FOXP1: variants seen among roughly 807,000 people sequenced by gnomAD.
The protein encoded by FOXP1 is forkhead box protein P1.
FOXP1 carries 15 observed loss-of-function variants against 98.2 expected under a neutral mutation model. That is an observed-to-expected ratio of 0.15 (90% confidence interval 0.10 to 0.24). The LOEUF is 0.24. FOXP1 is among the 10% of genes least tolerant of loss of function. The pLI is 1.00. For synonymous variants in FOXP1, 371 were observed against 314.5 expected, an observed-to-expected ratio of 1.18 and a Z score of -1.90; for missense variants, 633 against 848.5, an observed-to-expected ratio of 0.75 and a Z score of 3.15.
At chr3:70,971,691 A>C (rs900615807) in intron 18 of FOXP1, 5 of 229,794 alleles carry the variant, frequency 2.2e-5, no homozygotes, top group Non-Finnish European at 4.2e-5. Flanking sequence ...TTAACTAACC[A>C]AAAATTCCCT....
At chr3:71,381,960 T>C (rs1001000511) in intron 3 of FOXP1, among the ~76,000 whole-genome samples, 9 of 152,030 alleles carry the variant, frequency 5.9e-5, no homozygotes, top group African/African-American at 2.2e-4. Context: ...CTTATGCAAA[T>C]GACTGAATTA....
chr3:71,149,210 T>C (rs1452224063), intron 6 of FOXP1, among the ~76,000 whole-genome samples: 1 of 152,014 alleles, frequency 6.6e-6, no homozygotes, highest in East Asian at 1.9e-4. Context: ...GGCAGAAGGG[T>C]TGCCTGTCTG....
chr3:71,483,469 G>T (rs2090434106), intron 3 of FOXP1, among the ~76,000 whole-genome samples: 2 of 152,126 alleles, frequency 1.3e-5, no homozygotes, highest in Admixed American at 6.5e-5. Context: ...AACTATAGGC[G>T]CGTGGGCCAC....
chr3:71,582,302 C>T, intron 1 of FOXP1: 1 of 971,028 alleles, frequency 1.0e-6, no homozygotes, highest in South Asian at 4.8e-5. Context: ...AGGCGGGAGG[C>T]GGGGGCGAGG....
intron 5 of FOXP1, among the ~76,000 whole-genome samples, chr3:71,235,813 G>A (rs1008605562): frequency 3.4e-4 from 52 of 151,982 alleles, no homozygotes; most frequent in African/African-American, 1.2e-3. Context: ...TGATCCACCC[G>A]CCTCGGTCTC....
intron 6 of FOXP1, among the ~76,000 whole-genome samples, chr3:71,163,037 T>C (rs940761106): frequency 1.3e-5 from 2 of 152,250 alleles, no homozygotes; most frequent in African/African-American, 4.8e-5. Context: ...TTTTCTGTAA[T>C]TATATGCACA....
chr3:71,247,226 G>A (rs946935176), intron 5 of FOXP1, among the ~76,000 whole-genome samples: 1 of 152,156 alleles, frequency 6.6e-6, no homozygotes, highest in Non-Finnish European at 1.5e-5. Flanking sequence ...TTTCACAAAG[G>A]GAAAGGGGGA....
intron 6 of FOXP1, among the ~76,000 whole-genome samples, chr3:71,137,774 C>A (rs187624098): frequency 7.1e-6 from 1 of 140,754 alleles, no homozygotes; most frequent in East Asian, 2.1e-4. Flanking sequence ...AAAGATAATT[C>A]TATTTATTTA....
intron 3 of FOXP1, among the ~76,000 whole-genome samples, chr3:71,398,803 C>A (rs1249851198): frequency 6.6e-6 from 1 of 152,128 alleles, no homozygotes; most frequent in Non-Finnish European, 1.5e-5. Context: ...GTAATTATGT[C>A]ATTAGTAGCC....
At chr3:70,967,016 G>GA (rs1448315116) in intron 19 of FOXP1, among the ~76,000 whole-genome samples, 1 of 152,160 alleles carries the variant, frequency 6.6e-6, no homozygotes, top group African/African-American at 2.4e-5. Flanking sequence ...TTTCATTAAA[G>GA]AGGACACTTT....
At chr3:71,558,920 A>G (rs183665998) in intron 2 of FOXP1, among the ~76,000 whole-genome samples, 1 of 149,256 alleles carries the variant, frequency 6.7e-6, no homozygotes, top group African/African-American at 2.5e-5. Context: ...CTCCTGCCTC[A>G]GCCTCCCAAG....
At chr3:70,967,687 G>GTTTTTTTTTTTTTTTTTTTTTTTT (rs67711426) in intron 19 of FOXP1, among the ~76,000 whole-genome samples, 4 of 61,348 alleles carry the variant, frequency 6.5e-5, no homozygotes, top group Admixed American at 2.2e-4. Context: ...ACTATTATTT[G>GTTTTTTTTTTTTTTTTTTTTTTTT]TTTTTTTTTT....
At chr3:71,243,740 G>A (rs1489353014) in intron 5 of FOXP1, among the ~76,000 whole-genome samples, 3 of 152,056 alleles carry the variant, frequency 2.0e-5, no homozygotes, top group Non-Finnish European at 4.4e-5. Flanking sequence ...GGCTTAATTT[G>A]CACTTGTTTT....
intron 2 of FOXP1, among the ~76,000 whole-genome samples, chr3:71,562,708 G>C (rs898869159): frequency 1.3e-5 from 2 of 151,998 alleles, no homozygotes; most frequent in African/African-American, 4.8e-5. Context: ...AAATACTAAG[G>C]GACCACACTG....
rs9835492 is a variant in FOXP1 at position 71,442,320 on chromosome 3, C to A, written c.-168+51106G>T. ...AGGACACGTCTTTGTATAGGTTTTG[C>A]ATATTACAACAGGCCAACTACAGCA... On this transcript the variant is annotated intron_variant, in intron 3 of 20. Coordinates refer to ENST00000649528, the MANE Select transcript of FOXP1 (RefSeq NM_001349338.3). Among the ~76,000 whole-genome samples, 1,270 of 149,694 alleles carry A rather than the reference C, an allele frequency of 8.5e-3. 16 individuals carry two copies. The highest frequency in any genetic ancestry group is 0.029 in the African/African-American group (1,195 of 40,672).
chr3:71,568,067 G>A (rs1452586393), intron 2 of FOXP1: 1 of 128,704 alleles, frequency 7.8e-6, no homozygotes, highest in African/African-American at 2.9e-5. Flanking sequence ...GGGAAGAGGG[G>A]GGGAGGAGAG....
In FOXP1 at chr3:71,572,512, A is replaced by T. The variant is rs549800138; in HGVS notation, c.-298+9037T>A. On this transcript the variant is annotated intron_variant, in intron 2 of 20. Transcript: ENST00000649528. ...ACATGGATGAATTTTACTGTTGTTT[A>T]TTTTTTAAAAAAGCAAGTTACTAAA... The T allele has an allele frequency of 7.2e-5, 11 of 152,234 alleles. No homozygotes were observed. The East Asian group carries it at 2.1e-3, about 29-fold the overall frequency. 9.4% of individuals were successfully genotyped at this position (152,234 alleles called of 1,614,324 possible).
In FOXP1 at chr3:70,958,192, G is replaced by A. The variant is rs2032286173; in HGVS notation, c.*1055C>T. Reference sequence around the variant, plus strand: ...AATGTGGTGGCATTTATTAATGGTTGCTGCAAAAAAAAAAAAAGAAAAGAA... The same window carrying A: ...AATGTGGTGGCATTTATTAATGGTTACTGCAAAAAAAAAAAAAGAAAAGAA... On this transcript the variant is annotated 3_prime_UTR_variant, in exon 21 of 21. Coordinates refer to ENST00000649528, the MANE Select transcript of FOXP1 (RefSeq NM_001349338.3). 7 of 394,514 alleles carry A rather than the reference G, an allele frequency of 1.8e-5. No individual in the cohort carries two copies. Among genetic ancestry groups the A allele is most frequent in the South Asian group, 2.4e-5 (1 of 41,994 alleles). 24.4% of individuals were successfully genotyped at this position (394,514 alleles called of 1,614,324 possible).
chr3:71,056,305 G>A (rs2050632633), intron 7 of FOXP1, among the ~76,000 whole-genome samples: 2 of 152,164 alleles, frequency 1.3e-5, no homozygotes, highest in Admixed American at 6.5e-5. Flanking sequence ...AATAAAAGGG[G>A]GAATCATGGA....
Sources: gnomAD v4.1 joint callset for allele counts (sites outside exome capture counted in the v4.1 genomes callset) on GRCh38, gnomAD v4.1.1 for gene constraint, MANE v1.5 for transcripts, NCBI Gene and HGNC (gene_info 2026-07-23, HGNC 2026-07-21) for gene names.